COL11A1: variants seen among roughly 807,000 people sequenced by gnomAD.
COL11A1 encodes the protein collagen type XI alpha 1 chain.
A neutral mutation model predicts 265.2 loss-of-function variants in COL11A1; 74 were observed. The ratio of observed to expected loss-of-function variants is 0.28; its 90% CI spans 0.23 to 0.34. The LOEUF (loss-of-function observed/expected upper bound fraction) is 0.34, where lower values mean the gene tolerates loss of function less well. COL11A1 is among the 10% of genes least tolerant of loss of function. COL11A1 has a pLI of 1.00. For missense variants in COL11A1, 2,165 were observed against 2,263.6 expected (o/e 0.96, Z 0.88); for synonymous variants, 816 against 727.6 (o/e 1.12, Z -1.96).
At chr1:102,945,227 A>G (rs1659128111) in intron 42 of COL11A1, among the ~76,000 whole-genome samples, 1 of 150,126 alleles carries the variant, frequency 6.7e-6, no homozygotes, top group Admixed American at 6.7e-5. Context: ...ATTAAAACAA[A>G]GGGAATTTGT....
intron 42 of COL11A1, among the ~76,000 whole-genome samples, chr1:102,943,029 G>A (rs1570807836): frequency 6.6e-6 from 1 of 151,994 alleles, no homozygotes; most frequent in South Asian, 2.1e-4. Context: ...CCCACTTCTG[G>A]TTGTCTTCAA....
At chr1:103,089,969 C>T (rs930657183) in intron 1 of COL11A1, among the ~76,000 whole-genome samples, 2 of 151,856 alleles carry the variant, frequency 1.3e-5, no homozygotes, top group African/African-American at 4.8e-5. Context: ...ACTAAAAATA[C>T]AAAAATTAGC....
At chr1:102,989,114 A>G (rs931947117) in intron 29 of COL11A1, among the ~76,000 whole-genome samples, 3 of 152,084 alleles carry the variant, frequency 2.0e-5, no homozygotes, top group African/African-American at 7.2e-5. Flanking sequence ...AAATTCATGA[A>G]AGTTACAGAC....
chr1:102,983,904 A>G (rs1475217869), intron 31 of COL11A1, among the ~76,000 whole-genome samples: 3 of 152,120 alleles, frequency 2.0e-5, no homozygotes, highest in Non-Finnish European at 2.9e-5. Context: ...ACAAAGAATT[A>G]CCGATTATGC....
At chr1:102,934,410 G>A (rs1314033424) in intron 46 of COL11A1, 39 bp downstream of exon 46, 1 of 1,430,342 alleles carries the variant, frequency 7.0e-7, no homozygotes, top group East Asian at 2.3e-5. Context: ...TGAGAAGTAG[G>A]TAGAAATGAT....
At chr1:103,088,732 T>C (rs1252356006) in intron 1 of COL11A1, among the ~76,000 whole-genome samples, 1 of 151,710 alleles carries the variant, frequency 6.6e-6, no homozygotes, top group East Asian at 1.9e-4. Flanking sequence ...TAAATAGGAG[T>C]TCCTCAGTGA....
intron 35 of COL11A1, among the ~76,000 whole-genome samples, chr1:102,975,801 C>T (rs1355223733): frequency 6.6e-6 from 1 of 151,980 alleles, no homozygotes; most frequent in Non-Finnish European, 1.5e-5. Context: ...TGAAGTTGGC[C>T]TTCAATAGAA....
In COL11A1 at chr1:102,883,326, A is replaced by G; in HGVS notation, c.4859-15T>C. The G allele has an allele frequency of 6.7e-7, 1 of 1,482,266 alleles. No homozygotes were observed. Among genetic ancestry groups the G allele is most frequent in the Non-Finnish European group, 9.4e-7 (1 of 1,060,330 alleles). 91.8% of individuals were successfully genotyped at this position (1,482,266 alleles called of 1,614,324 possible). A position where few individuals can be genotyped will look rare whatever the true frequency, so the allele number is the denominator to read the frequency against. On this transcript the variant is annotated splice_polypyrimidine_tract_variant and intron_variant, in intron 63 of 66. Transcript: ENST00000370096. ...CCAATATTCACCTAGAAGGTAGCAA[A>G]AAATATGTCATATAAAAATTCATTG...
Position 102,912,144 on chromosome 1 carries a change from A to T in COL11A1, c.4086+15T>A. 1.9e-6 allele frequency: 3 copies of T among 1,602,736 alleles called. No homozygotes were observed. The highest frequency in any genetic ancestry group is 2.2e-5 in the East Asian group (1 of 44,678). On this transcript the variant is annotated intron_variant, in intron 54 of 66. Coordinates refer to ENST00000370096, the MANE Select transcript of COL11A1 (RefSeq NM_001854.4). ...AATGAGCATATGTTTCAAATAAAGA[A>T]TTAAAGAAACTTACTCGTTTTCCAG... is the stretch of plus-strand genomic sequence containing the variant.
chr1:102,969,355 C>T (rs532981319), intron 37 of COL11A1, among the ~76,000 whole-genome samples: 1 of 152,244 alleles, frequency 6.6e-6, no homozygotes, highest in South Asian at 2.1e-4. Flanking sequence ...GTGCCCCCTA[C>T]CCTAACATGA....
chr1:102,928,508 C>T (rs1324570835), intron 46 of COL11A1, among the ~76,000 whole-genome samples: 2 of 152,096 alleles, frequency 1.3e-5, no homozygotes, highest in East Asian at 1.9e-4. Context: ...CATTGTTGGA[C>T]ATTTGGGTTG....
chr1:102,905,471 G>C (rs1653860741), intron 54 of COL11A1, among the ~76,000 whole-genome samples: 1 of 149,572 alleles, frequency 6.7e-6, no homozygotes, highest in Admixed American at 6.7e-5. Flanking sequence ...AAAATTAGTG[G>C]TGCCTTTATT....
intron 37 of COL11A1, 111 bp downstream of exon 37, chr1:102,970,108 C>A: frequency 2.9e-6 from 2 of 696,462 alleles, no homozygotes; most frequent in Non-Finnish European, 4.8e-6. Context: ...TTAATTTTTC[C>A]ATTTTTCTCA....
intron 46 of COL11A1, among the ~76,000 whole-genome samples, chr1:102,931,226 A>T (rs1281770021): frequency 6.6e-6 from 1 of 150,550 alleles, no homozygotes. Context: ...TCTTGTGGGC[A>T]TTTAGTGCTA....
At chr1:103,033,061 T>A (rs1022816190) in intron 4 of COL11A1, among the ~76,000 whole-genome samples, 1 of 152,064 alleles carries the variant, frequency 6.6e-6, no homozygotes, top group African/African-American at 2.4e-5. Context: ...CTTGTAAAAA[T>A]TGGGCATTTC....
At chr1:102,887,336 T>G (rs547795042) in intron 62 of COL11A1, among the ~76,000 whole-genome samples, 1 of 152,216 alleles carries the variant, frequency 6.6e-6, no homozygotes, top group East Asian at 1.9e-4. Flanking sequence ...ATATGTTATA[T>G]ATGTTAGTCT....
intron 15 of COL11A1, among the ~76,000 whole-genome samples, chr1:103,007,703 CA>C (rs1464805693): frequency 6.6e-6 from 1 of 151,288 alleles, no homozygotes; most frequent in African/African-American, 2.4e-5. Flanking sequence ...AGAAAAAATG[CA>C]AAAAAATTTG....
At chr1:102,890,526 A>AC (rs750719217) in intron 57 of COL11A1, 22 bp from the exon 58 acceptor site, 1 of 1,531,762 alleles carries the variant, frequency 6.5e-7, no homozygotes, top group South Asian at 1.2e-5. Context: ...CAAAAAAAAA[A>AC]CCCCAAAACA....
intron 1 of COL11A1, among the ~76,000 whole-genome samples, chr1:103,102,307 G>A (rs1273603115): frequency 1.3e-5 from 2 of 152,028 alleles, no homozygotes; most frequent in African/African-American, 4.8e-5. Context: ...TGTAGAAAGT[G>A]CGTTAGTGTA....
Sources: gnomAD v4.1 joint callset for allele counts (sites outside exome capture counted in the v4.1 genomes callset) on GRCh38, gnomAD v4.1.1 for gene constraint, MANE v1.5 for transcripts, NCBI Gene and HGNC (gene_info 2026-07-23, HGNC 2026-07-21) for gene names.